The following NAA11 variants were observed in gnomAD, a reference collection of about 807,000 sequenced individuals.
NAA11 encodes N-alpha-acetyltransferase 11, NatA catalytic subunit, also known as N-alpha-acetyltransferase 11.
In NAA11, 15 loss-of-function variants were observed where a neutral mutation model predicts 16.1. That is an observed-to-expected ratio of 0.93 (90% CI 0.62 to 1.44). The LOEUF (loss-of-function observed/expected upper bound fraction) is 1.44. Ranked by LOEUF, NAA11 falls within the 40% of genes most tolerant of loss-of-function variation. NAA11 has a pLI of 0.00. For synonymous variants in NAA11, 122 were observed against 112.4 expected, an observed-to-expected ratio of 1.09 and a Z score of -0.54; for missense variants, 298 against 291.3, an observed-to-expected ratio of 1.02 and a Z score of -0.17.
chr4:79,297,681 A>G (rs1370273944), intron 1 of NAA11, among the ~76,000 whole-genome samples: 1 of 152,162 alleles, frequency 6.6e-6, no homozygotes, highest in Admixed American at 6.5e-5. Context: ...AGCCCCCTCC[A>G]GACTTTGGGT....
At chr4:79,253,335 G>C (rs1476189059) in intron 2 of NAA11, among the ~76,000 whole-genome samples, 1 of 152,138 alleles carries the variant, frequency 6.6e-6, no homozygotes, top group Non-Finnish European at 1.5e-5. Flanking sequence ...AGAGGTCCAG[G>C]CTACAGTTAT....
the NAA11 span, among the ~76,000 whole-genome samples, chr4:79,197,231 T>C: frequency 1.3e-5 from 2 of 151,996 alleles, no homozygotes; most frequent in Non-Finnish European, 2.9e-5. Flanking sequence ...ATATGATTAC[T>C]GAGGGGTTTT....
chr4:79,208,615 T>G, the NAA11 span, among the ~76,000 whole-genome samples: 1 of 152,082 alleles, frequency 6.6e-6, no homozygotes, highest in African/African-American at 2.4e-5. Flanking sequence ...GAAGTAGTTC[T>G]ACATTTTTTT....
the NAA11 span, among the ~76,000 whole-genome samples, chr4:79,180,252 A>G: frequency 6.6e-6 from 1 of 152,230 alleles, no homozygotes; most frequent in Non-Finnish European, 1.5e-5. Context: ...TATCCTTTAA[A>G]AAATGAGGTG....
At chr4:79,227,347 A>G (rs4385093) in intron 2 of NAA11, 126,303 of 151,866 alleles carry the variant, frequency 0.83, 53,722 homozygotes, top group Non-Finnish European at 0.92. Flanking sequence ...ACAAGTGGGC[A>G]AAGGACATGA....
chr4:79,322,499 G>A (rs969442227), intron 1 of NAA11, among the ~76,000 whole-genome samples: 3 of 132,110 alleles, frequency 2.3e-5, no homozygotes, highest in African/African-American at 8.0e-5. Flanking sequence ...GTGTGTGTGT[G>A]TGTGTGTATA....
At chr4:79,275,604 T>G (rs1423217912) in intron 2 of NAA11, among the ~76,000 whole-genome samples, 1 of 152,138 alleles carries the variant, frequency 6.6e-6, no homozygotes, top group Non-Finnish European at 1.5e-5. Context: ...CCTGCAAAGT[T>G]ACACTGATTT....
chr4:79,245,877 G>T (rs1487346106), intron 2 of NAA11, among the ~76,000 whole-genome samples: 2 of 152,250 alleles, frequency 1.3e-5, no homozygotes, highest in Non-Finnish European at 2.9e-5. Context: ...CTTCTGGGAG[G>T]TGTACCCAAC....
chr4:79,184,567 T>A, the NAA11 span, among the ~76,000 whole-genome samples: 1 of 152,202 alleles, frequency 6.6e-6, no homozygotes, highest in Non-Finnish European at 1.5e-5. Flanking sequence ...CTTTAACTGC[T>A]GGATGCTAGG....
At chr4:79,305,204 A>T (rs1428071235) in intron 1 of NAA11, 1 of 152,188 alleles carries the variant, frequency 6.6e-6, no homozygotes, top group African/African-American at 2.4e-5. Context: ...GATAGACTTT[A>T]TCTTCAAATA....
intron 2 of NAA11, among the ~76,000 whole-genome samples, chr4:79,291,154 G>A (rs17003708): frequency 0.011 from 1,743 of 152,168 alleles, 41 homozygotes; most frequent in African/African-American, 0.04. Context: ...TTAAAAGAGC[G>A]TGTACAGCAC....
chr4:79,190,773 A>G, the NAA11 span, among the ~76,000 whole-genome samples: 2 of 152,004 alleles, frequency 1.3e-5, no homozygotes, highest in Admixed American at 1.3e-4. Context: ...TCACCCGGGT[A>G]TTAAGCCCAG....
chr4:79,155,852 G>A, the NAA11 span, among the ~76,000 whole-genome samples: 1 of 152,250 alleles, frequency 6.6e-6, no homozygotes, highest in Non-Finnish European at 1.5e-5. Context: ...TGTTTCAGGT[G>A]TGCTGGGTAG....
At chr4:79,197,140 T>C in the NAA11 span, among the ~76,000 whole-genome samples, 2 of 151,940 alleles carry the variant, frequency 1.3e-5, no homozygotes. Flanking sequence ...GAATTTGTGG[T>C]AATTTGTTAC....
At chr4:79,201,661 G>A in the NAA11 span, among the ~76,000 whole-genome samples, 11 of 151,388 alleles carry the variant, frequency 7.3e-5, no homozygotes, top group South Asian at 2.1e-4. Flanking sequence ...AAATTTTTAC[G>A]TAATTGAAAT....
chr4:79,189,802 G>C, the NAA11 span, among the ~76,000 whole-genome samples: 1 of 152,160 alleles, frequency 6.6e-6, no homozygotes, highest in Admixed American at 6.6e-5. Context: ...TGACAGGCAG[G>C]AGTTAATGGA....
intron 2 of NAA11, among the ~76,000 whole-genome samples, chr4:79,230,929 C>A (rs1271165184): frequency 6.6e-6 from 1 of 151,914 alleles, no homozygotes; most frequent in Non-Finnish European, 1.5e-5. Context: ...TTATTAGAGC[C>A]CCCTGTTCAA....
rs1197171285 is a variant in NAA11, at chr4:79,299,016, A to C, written c.*13-4902T>G. 3 of 152,240 alleles carry C rather than the reference A, an allele frequency of 2.0e-5. No individual in the cohort carries two copies. In the East Asian group the frequency reaches 5.8e-4, roughly 29 times the overall value. 9.4% of individuals were successfully genotyped at this position (152,240 alleles called of 1,614,324 possible). On this transcript the variant is annotated intron_variant and NMD_transcript_variant, in intron 1 of 2. Coordinates refer to the NAA11 transcript ENST00000511542. ...TACTTGTTAGGTTATAAACATCTTG[A>C]GAGCAAGGACTAAATCTTACTTATC...
chr4:79,303,122 A>ATATATATG (rs1723460814), intron 1 of NAA11, among the ~76,000 whole-genome samples: 1 of 113,524 alleles, frequency 8.8e-6, no homozygotes, highest in African/African-American at 3.3e-5. Flanking sequence ...ATATATATAT[A>ATATATATG]CCTCCCAACA....
Sources: allele counts gnomAD v4.1 joint callset (sites outside exome capture counted in the v4.1 genomes callset), GRCh38; gene constraint gnomAD v4.1.1; transcripts MANE v1.5; gene names NCBI Gene and HGNC (gene_info 2026-07-23, HGNC 2026-07-21).